The following TCF7L2 variants were observed in gnomAD, a reference collection of about 807,000 sequenced individuals.
TCF7L2 encodes transcription factor 7-like 2.
Under a neutral mutation model 77.9 loss-of-function variants are expected in TCF7L2, and 23 were observed. That is an observed-to-expected ratio of 0.30 (90% confidence interval 0.21 to 0.42). The LOEUF (loss-of-function observed/expected upper bound fraction) is 0.42. TCF7L2 is among the 10% of genes least tolerant of loss of function. The pLI is 1.00. For missense variants in TCF7L2, 654 were observed against 793.1 expected (o/e 0.82, Z 2.11); for synonymous variants, 413 against 340.2 (o/e 1.21, Z -2.36).
intron 7 of TCF7L2, among the ~76,000 whole-genome samples, chr10:113,145,585 C>T (rs898181335): frequency 6.6e-6 from 1 of 151,870 alleles, no homozygotes; most frequent in Admixed American, 6.6e-5. Flanking sequence ...ATCTAAATAC[C>T]GAAAGAGGCC....
chr10:113,106,990 C>G (rs7070263), intron 5 of TCF7L2, among the ~76,000 whole-genome samples: 3,697 of 152,296 alleles, frequency 0.024, 149 homozygotes, highest in African/African-American at 0.084. Context: ...AGAATGGATG[C>G]AAGAGTTCAC....
At chr10:113,140,846 G>A (rs1185457422) in intron 5 of TCF7L2, among the ~76,000 whole-genome samples, 2 of 152,206 alleles carry the variant, frequency 1.3e-5, no homozygotes, top group Non-Finnish European at 2.9e-5. Context: ...TGGAAACGCA[G>A]TAGGCATGGG....
chr10:113,048,894 T>C (rs568564132), intron 5 of TCF7L2, among the ~76,000 whole-genome samples: 4 of 152,338 alleles, frequency 2.6e-5, no homozygotes, highest in African/African-American at 9.6e-5. Context: ...TGTTGTAGGC[T>C]GTATGAAGTC....
Position 113,141,215 on chromosome 10 carries a change from A to C in TCF7L2, c.584A>C (p.His195Pro). The C allele has an allele frequency of 6.2e-7, 1 of 1,614,062 alleles. No homozygotes were observed. Among genetic ancestry groups the C allele is most frequent in the Non-Finnish European group, 8.5e-7 (1 of 1,179,994 alleles). The change falls in exon 6 of 14, where the codon CAC (histidine) becomes CCC (proline). Residue 195 changes from histidine (H) to proline (P), a missense_variant. His to Pro is a moderately conservative substitution (Grantham distance 77, BLOSUM62 -2). Around this residue, in one of 6 missense-constraint regions of TCF7L2, gnomAD observed 179 missense variants for 270.6 expected, o/e 0.66. Transcript: ENST00000627217. ...AAAGTGCCAGTGGTGCAGCACCCTC[A>C]CCATGTCCACCCCCTCACGCCTCTT... is the stretch of plus-strand genomic sequence containing the variant.
chr10:113,004,329 T>C (rs2045104349), intron 4 of TCF7L2, among the ~76,000 whole-genome samples: 1 of 152,076 alleles, frequency 6.6e-6, no homozygotes, highest in African/African-American at 2.4e-5. Context: ...GCAAGCCATG[T>C]TAATATTTTA....
chr10:112,960,688 C>T (rs183046340), intron 3 of TCF7L2, among the ~76,000 whole-genome samples: 355 of 130,526 alleles, frequency 2.7e-3, no homozygotes, highest in Non-Finnish European at 4.4e-3. Context: ...CAGATGGGAA[C>T]CTGTTTTTTT....
At chr10:112,994,443 T>C (rs1486482212) in intron 4 of TCF7L2, among the ~76,000 whole-genome samples, 1 of 152,260 alleles carries the variant, frequency 6.6e-6, no homozygotes, top group African/African-American at 2.4e-5. Flanking sequence ...TTTTATTGTA[T>C]GGATAGACAT....
Position 112,978,585 on chromosome 10 carries a change from C to T in TCF7L2, c.450+13961C>T, listed in dbSNP as rs1362091322. Among the ~76,000 whole-genome samples the T allele has an allele frequency of 7.9e-5, 12 of 151,414 alleles. No homozygotes were observed. In the East Asian group the frequency reaches 2.3e-3, roughly 29 times the overall value. On this transcript the variant is annotated intron_variant, in intron 4 of 13. Transcript: ENST00000627217. ...GGTTCATGCGATTCTCCTGCCTCAG[C>T]CCTCCCGAGTAGCTGGGACTACAGG...
chr10:113,005,396 A>G (rs1477396329), intron 4 of TCF7L2, among the ~76,000 whole-genome samples: 2 of 152,118 alleles, frequency 1.3e-5, no homozygotes, highest in Non-Finnish European at 2.9e-5. Context: ...GCTGGTCTTA[A>G]ATTTTCTCAC....
intron 5 of TCF7L2, among the ~76,000 whole-genome samples, chr10:113,100,325 C>T (rs2061496607): frequency 6.6e-6 from 1 of 152,170 alleles, no homozygotes; most frequent in Non-Finnish European, 1.5e-5. Context: ...ATTCTTTCCA[C>T]AAGTACAGCA....
chr10:113,056,344 A>G (rs964568997), intron 5 of TCF7L2, among the ~76,000 whole-genome samples: 1 of 152,208 alleles, frequency 6.6e-6, no homozygotes, highest in Admixed American at 6.5e-5. Context: ...GAATCCCAAA[A>G]TCTTTATATG....
intron 5 of TCF7L2, among the ~76,000 whole-genome samples, chr10:113,055,772 T>G (rs1350815906): frequency 1.3e-5 from 2 of 152,234 alleles, no homozygotes; most frequent in African/African-American, 4.8e-5. Flanking sequence ...AAAGAAGTTT[T>G]AAATTTTAAT....
chr10:113,075,440 C>A (rs1190619335), intron 5 of TCF7L2, among the ~76,000 whole-genome samples: 2 of 145,536 alleles, frequency 1.4e-5, no homozygotes, highest in Non-Finnish European at 3.0e-5. Context: ...GCCTGGGCGA[C>A]AAGAGCGAAA....
intron 7 of TCF7L2, 93 bp from the exon 8 acceptor site, chr10:113,145,918 A>G (rs2069295258): frequency 1.9e-6 from 2 of 1,026,444 alleles, no homozygotes; most frequent in Non-Finnish European, 3.0e-6. Flanking sequence ...AATAAAGCTT[A>G]CTGTGCAGAG....
intron 5 of TCF7L2, among the ~76,000 whole-genome samples, chr10:113,058,453 C>G (rs187549373): frequency 6.6e-6 from 1 of 152,048 alleles, no homozygotes; most frequent in South Asian, 2.1e-4. Context: ...ATAGATGGTT[C>G]GTTGGAAAAT....
intron 4 of TCF7L2, among the ~76,000 whole-genome samples, chr10:112,965,408 G>A (rs2036506818): frequency 6.6e-6 from 1 of 152,236 alleles, no homozygotes; most frequent in South Asian, 2.1e-4. Context: ...TGCTGGGATG[G>A]ATGTACCTCA....
At chr10:113,164,249 C>T (rs747421489) in intron 13 of TCF7L2, among the ~76,000 whole-genome samples, 4 of 152,148 alleles carry the variant, frequency 2.6e-5, no homozygotes, top group Non-Finnish European at 5.9e-5. Flanking sequence ...AGTTGATTTT[C>T]CCCGACCTCA....
intron 5 of TCF7L2, among the ~76,000 whole-genome samples, chr10:113,133,923 G>A (rs10885417): frequency 1.3e-5 from 2 of 152,024 alleles, no homozygotes; most frequent in African/African-American, 4.8e-5. Context: ...GCAGCAGCCC[G>A]GCCAGAGGAT....
chr10:113,053,010 G>A (rs1591048200), intron 5 of TCF7L2, among the ~76,000 whole-genome samples: 1 of 152,296 alleles, frequency 6.6e-6, no homozygotes, highest in African/African-American at 2.4e-5. Context: ...AACCCATGAT[G>A]CCTTCTTCCT....
Sources: gnomAD v4.1 joint callset for allele counts (sites outside exome capture counted in the v4.1 genomes callset) on GRCh38, gnomAD v4.1.1 for gene constraint, gnomAD v4.1.1 regional missense constraint, MANE v1.5 for transcripts, NCBI Gene and HGNC (gene_info 2026-07-23, HGNC 2026-07-21) for gene names.